ABHD13: variants seen among roughly 807,000 people sequenced by gnomAD.
The protein encoded by ABHD13 is protein ABHD13.
Under a neutral mutation model 25.2 loss-of-function variants are expected in ABHD13, and 7 were observed. The ratio of observed to expected loss-of-function variants is 0.28; its 90% CI spans 0.16 to 0.52. ABHD13 has a LOEUF of 0.52. ABHD13 is among the 20% of genes least tolerant of loss of function. ABHD13 has a pLI of 0.96. For synonymous variants in ABHD13, 133 were observed against 136.1 expected (o/e 0.98, Z 0.16); for missense variants, 302 against 402.7 (o/e 0.75, Z 2.14).
rs748345291 is a variant in ABHD13, at chr13:108,230,407, C to A, written c.*175C>A. The A allele has an allele frequency of 2.6e-4, 146 of 567,980 alleles. No homozygotes were observed. The highest frequency in any genetic ancestry group is 4.0e-4 in the Non-Finnish European group (131 of 324,512). 35.2% of individuals were successfully genotyped at this position (567,980 alleles called of 1,614,324 possible). Reference sequence around the variant, plus strand: ...GTTTTTTACATTGGAAAAACTAATTCTTGGGATTCTTTCATACATTTTCAT... The same window carrying A: ...GTTTTTTACATTGGAAAAACTAATTATTGGGATTCTTTCATACATTTTCAT... On this transcript the variant is annotated 3_prime_UTR_variant, in exon 2 of 2. Transcript: ENST00000375898.
In ABHD13 at chr13:108,230,173, G is replaced by A. The variant is rs147554903; in HGVS notation, c.955G>A (p.Val319Ile). 5.8e-5 allele frequency: 94 copies of A among 1,610,890 alleles called. No individual in the cohort carries two copies. The highest frequency in any genetic ancestry group is 3.3e-4 in the Middle Eastern group (2 of 6,072). ...ACTTGAACAGTTCATCAAAGAAGTCGTAAAGAGCCATTCTCCTGAAGAAAT... is the reference window on the plus strand; with the variant it reads ...ACTTGAACAGTTCATCAAAGAAGTCATAAAGAGCCATTCTCCTGAAGAAAT... The part of the protein sequence containing the change: ...TALEQFIKEV[V>I]KSHSPEEMAK... The change falls in exon 2 of 2, where the codon GTA (valine) becomes ATA (isoleucine). Residue 319 changes from valine (V) to isoleucine (I), a missense_variant. Coordinates refer to ENST00000375898, the MANE Select transcript of ABHD13 (RefSeq NM_032859.3).
rs1879746985 is a variant in ABHD13, at chr13:108,229,506, A to C, written c.288A>C (p.Gly96=). Residue 96 remains glycine, a synonymous_variant, in exon 2 of 2, where the codon GGA becomes GGC. Coordinates refer to ENST00000375898, the MANE Select transcript of ABHD13 (RefSeq NM_032859.3). The surrounding 1 kb of genome is among the most constrained non-coding windows in gnomAD (Gnocchi z 4.7). ...HENIFIRTKD[G]IRLNLILIRY... ...ACATTTTCATCAGAACCAAAGATGG[A>C]ATACGTCTGAATCTTATTTTGATAC... The C allele has an allele frequency of 6.2e-7, 1 of 1,613,582 alleles. No homozygotes were observed. Among genetic ancestry groups the C allele is most frequent in the Admixed American group, 1.7e-5 (1 of 59,954 alleles).
rs906725624 is a variant in ABHD13, at chr13:108,232,204, ATTTC to A, written c.*1975_*1978del. Reference sequence around the variant, plus strand: ...AATATGCTCATGAGGTATAAAAGCTATTTCTTCATCAGTATTTTGCTTTTATGCT... The same window carrying A: ...AATATGCTCATGAGGTATAAAAGCTATTCATCAGTATTTTGCTTTTATGCT... On this transcript the variant is annotated 3_prime_UTR_variant, in exon 2 of 2. Transcript: ENST00000375898. 6 of 166,778 alleles carry A rather than the reference ATTTC, an allele frequency of 3.6e-5. No homozygotes were observed. The highest frequency in any genetic ancestry group is 1.4e-4 in the African/African-American group (6 of 41,390). 10.3% of individuals were successfully genotyped at this position (166,778 alleles called of 1,614,324 possible).
At chr13:108,223,294 A>G (rs560539695) in intron 1 of ABHD13, among the ~76,000 whole-genome samples, 12 of 152,318 alleles carry the variant, frequency 7.9e-5, no homozygotes, top group East Asian at 7.7e-4. Flanking sequence ...ATATCTGCCA[A>G]ACCTCTAAGT....
At chr13:108,224,305 G>C (rs928550) in intron 1 of ABHD13, among the ~76,000 whole-genome samples, 2,098 of 152,254 alleles carry the variant, frequency 0.014, 31 homozygotes, top group African/African-American at 0.048. Context: ...AGCAAGGACT[G>C]TATAGTATAC....
At chr13:108,228,649 T>TTC (rs1167600142) in intron 1 of ABHD13, among the ~76,000 whole-genome samples, 1 of 151,890 alleles carries the variant, frequency 6.6e-6, no homozygotes, top group Non-Finnish European at 1.5e-5. Flanking sequence ...TCTTTAGTTT[T>TTC]TGCTACCGTA....
At position 108,233,734 on chromosome 13, in the gene ABHD13, A is replaced by T. The variant is rs1879860744; in HGVS notation, c.*3502A>T. On this transcript the variant is annotated 3_prime_UTR_variant, in exon 2 of 2. Transcript: ENST00000375898. ...ATATATACACACATAGTTTTAGCAA[A>T]TTGGAAATAATATATTCATTTGTAT... 6.0e-6 allele frequency: 1 copy of T among 166,876 alleles called. No homozygotes were observed. Among genetic ancestry groups the T allele is most frequent in the East Asian group, 1.9e-4 (1 of 5,186 alleles). The allele number at this position is 166,876 out of a possible 1,614,324, so 10.3% of individuals were successfully genotyped here.
At chr13:108,227,070 C>T (rs937668638) in intron 1 of ABHD13, among the ~76,000 whole-genome samples, 19 of 151,978 alleles carry the variant, frequency 1.3e-4, no homozygotes, top group Admixed American at 7.2e-4. Flanking sequence ...ACTTTTATTC[C>T]GACTTCCATA....
At chr13:108,221,250 G>A (rs868338941) in intron 1 of ABHD13, among the ~76,000 whole-genome samples, 4 of 152,342 alleles carry the variant, frequency 2.6e-5, no homozygotes, top group Middle Eastern at 3.4e-3. Context: ...TGGCATGTGG[G>A]TAACCATTAG....
At chr13:108,221,524 C>G (rs61971972) in intron 1 of ABHD13, among the ~76,000 whole-genome samples, 1 of 152,100 alleles carries the variant, frequency 6.6e-6, no homozygotes, top group African/African-American at 2.4e-5. Flanking sequence ...CATTGACACA[C>G]GAACTCCCTT....
chr13:108,233,041 A>G lies in ABHD13; in HGVS notation c.*2809A>G, dbSNP rs2139017628. 6.0e-6 allele frequency: 1 copy of G among 167,000 alleles called. No individual in the cohort carries two copies. The highest frequency in any genetic ancestry group is 1.5e-5 in the Non-Finnish European group (1 of 67,986). The allele number at this position is 167,000 out of a possible 1,614,324, so 10.3% of individuals were successfully genotyped here. A position where few individuals can be genotyped will look rare whatever the true frequency, so the allele number is the denominator to read the frequency against. On this transcript the variant is annotated 3_prime_UTR_variant, in exon 2 of 2. Transcript: ENST00000375898. ...AAGTGACTGGAGCACTTGCCATTGC[A>G]ACAACCCTGTTTTTGCAATTAGGTT...
intron 1 of ABHD13, among the ~76,000 whole-genome samples, chr13:108,219,712 T>G (rs1363965396): frequency 6.6e-6 from 1 of 152,198 alleles, no homozygotes; most frequent in African/African-American, 2.4e-5. Context: ...ATCGAGGAAC[T>G]CACAGCCTGT....
intron 1 of ABHD13, among the ~76,000 whole-genome samples, chr13:108,224,769 A>T (rs1014657129): frequency 1.3e-5 from 2 of 152,206 alleles, no homozygotes; most frequent in African/African-American, 4.8e-5. Context: ...GGAGCACTAG[A>T]GGTGACTACA....
intron 1 of ABHD13, among the ~76,000 whole-genome samples, chr13:108,221,038 T>C (rs1879557422): frequency 6.6e-6 from 1 of 152,174 alleles, no homozygotes; most frequent in South Asian, 2.1e-4. Flanking sequence ...TCTGCCAGAG[T>C]TGACTCTATT....
chr13:108,229,369 A>G lies in ABHD13; in HGVS notation c.151A>G (p.Ile51Val), dbSNP rs756642554. ...CATTATCTTACTTTTGTTAATATTCATATCAATAGCAGGTATTCTGTATAA... is the reference window on the plus strand; with the variant it reads ...CATTATCTTACTTTTGTTAATATTCGTATCAATAGCAGGTATTCTGTATAA... ...GGIILLLLIF[I>V]SIAGILYKFQ... Residue 51 changes from isoleucine (I) to valine (V), a missense_variant, in exon 2 of 2, where the codon ATA (isoleucine) becomes GTA (valine). Physicochemically the swap from Ile to Val is conservative, Grantham distance 29. Coordinates refer to ENST00000375898, the MANE Select transcript of ABHD13 (RefSeq NM_032859.3). The surrounding 1 kb of genome is among the most constrained non-coding windows in gnomAD (Gnocchi z 4.7). The G allele has an allele frequency of 1.1e-5, 18 of 1,612,634 alleles. No homozygotes were observed. The South Asian group carries it at 1.5e-4, about 14-fold the overall frequency.
At chr13:108,221,354 C>T (rs1189561864) in intron 1 of ABHD13, among the ~76,000 whole-genome samples, 1 of 152,194 alleles carries the variant, frequency 6.6e-6, no homozygotes, top group Admixed American at 6.5e-5. Context: ...GGTTTCTTAA[C>T]TTCCCAATGC....
chr13:108,229,204 T>G lies in ABHD13; in HGVS notation c.-15T>G, dbSNP rs1170193149. ...TTCTCCCTCTCTCTCTCTAGGATAC[T>G]TACAGAGAGCTACAATGGAAAAGTC... On this transcript the variant is annotated 5_prime_UTR_variant, in exon 2 of 2. Transcript: ENST00000375898. The surrounding 1 kb of genome is among the most constrained non-coding windows in gnomAD (Gnocchi z 4.7). 1 of 1,529,762 alleles carries G rather than the reference T, an allele frequency of 6.5e-7. No homozygotes were observed. The highest frequency in any genetic ancestry group is 1.4e-5 in the African/African-American group (1 of 71,868). The allele number at this position is 1,529,762 out of a possible 1,614,324, so 94.8% of individuals were successfully genotyped here.
Position 108,229,503 on chromosome 13 carries a change from T to A in ABHD13, c.285T>A (p.Asp95Glu). 6.2e-7 allele frequency: 1 copy of A among 1,613,600 alleles called. No homozygotes were observed. The highest frequency in any genetic ancestry group is 8.5e-7 in the Non-Finnish European group (1 of 1,179,636). Reference protein sequence around the residue: ...PHENIFIRTKDGIRLNLILIR... With the variant: ...PHENIFIRTKEGIRLNLILIR... ...AAAACATTTTCATCAGAACCAAAGA[T>A]GGAATACGTCTGAATCTTATTTTGA... is the stretch of plus-strand genomic sequence containing the variant. The change falls in exon 2 of 2, where the codon GAT becomes GAA. Residue 95 changes from aspartate (D) to glutamate (E), a missense_variant. Coordinates refer to ENST00000375898, the MANE Select transcript of ABHD13 (RefSeq NM_032859.3). The surrounding 1 kb of genome is among the most constrained non-coding windows in gnomAD (Gnocchi z 4.7).
chr13:108,221,180 A>G (rs1416942915), intron 1 of ABHD13, among the ~76,000 whole-genome samples: 1 of 152,242 alleles, frequency 6.6e-6, no homozygotes, highest in Non-Finnish European at 1.5e-5. Context: ...CAGCATCTCC[A>G]TAGGCAGTTA....
Sources: gnomAD v4.1 joint callset for allele counts (sites outside exome capture counted in the v4.1 genomes callset) on GRCh38, gnomAD v4.1.1 for gene constraint, Gnocchi (gnomAD v3.1) non-coding constraint, MANE v1.5 for transcripts, NCBI Gene and HGNC (gene_info 2026-07-23, HGNC 2026-07-21) for gene names.